The following TRUB1 variants were observed in gnomAD, a reference collection of about 807,000 sequenced individuals.
TRUB1 encodes the protein TruB pseudouridine synthase family member 1, also known as pseudouridylate synthase TRUB1.
Under a neutral mutation model 33.9 loss-of-function variants are expected in TRUB1, and 23 were observed. That is an observed-to-expected ratio of 0.68 (90% CI 0.49 to 0.96). The LOEUF is 0.96. TRUB1 is among the 40% of genes least tolerant of loss of function. The pLI, the probability that TRUB1 is intolerant of heterozygous loss-of-function variation, is 0.00. For missense variants in TRUB1, 378 were observed against 422.2 expected (o/e 0.90, Z 0.92); for synonymous variants, 163 against 165.4 (o/e 0.99, Z 0.11).
chr10:114,971,845 A>G (rs1025415317), intron 5 of TRUB1, among the ~76,000 whole-genome samples: 6 of 152,214 alleles, frequency 3.9e-5, no homozygotes, highest in African/African-American at 1.2e-4. Flanking sequence ...ACATGAATAC[A>G]TTGTCTCTAG....
chr10:114,938,481 G>T lies in TRUB1; in HGVS notation c.228G>T (p.Lys76Asn). The T allele has an allele frequency of 6.3e-7, 1 of 1,583,560 alleles. No individual in the cohort carries two copies. Among genetic ancestry groups the T allele is most frequent in the Non-Finnish European group, 8.6e-7 (1 of 1,167,644 alleles). Residue 76 changes from lysine to asparagine, a missense_variant, in exon 1 of 8, where the codon AAG becomes AAT. Lys to Asn is a moderately conservative substitution (Grantham distance 94). Coordinates refer to ENST00000298746, the MANE Select transcript of TRUB1 (RefSeq NM_139169.5). ...TGAGCGGCGTGTTCGCCGTGCACAA[G>T]CCCAAAGGGCCCACTTCAGCCGAGC... is the stretch of plus-strand genomic sequence containing the variant. Reference protein sequence around the residue: ...LSLSGVFAVHKPKGPTSAELL... With the variant: ...LSLSGVFAVHNPKGPTSAELL...
chr10:114,948,649 A>G (rs146140224), intron 2 of TRUB1, among the ~76,000 whole-genome samples: 1,568 of 152,302 alleles, frequency 0.01, 19 homozygotes, highest in Middle Eastern at 0.058. Flanking sequence ...TGCTTTCACT[A>G]ATCACCTCAC....
At chr10:114,946,396 C>T (rs911430322) in intron 2 of TRUB1, among the ~76,000 whole-genome samples, 6 of 152,042 alleles carry the variant, frequency 3.9e-5, no homozygotes, top group Admixed American at 6.6e-5. Flanking sequence ...GGCTTGAGTG[C>T]GGTGGCGTGA....
rs1022444304 is a variant in TRUB1, at chr10:114,971,110, C to T, written c.596+670C>T. On this transcript the variant is annotated intron_variant, in intron 5 of 7. Transcript: ENST00000298746. ...TTTTTCACAGATGGCACCTTCTTAC[C>T]GTATCCTCCTAGTAGAAGGGGCAAG... 2.6e-5 allele frequency among the ~76,000 whole-genome samples: 4 copies of T among 152,138 alleles called. No individual in the cohort carries two copies. In the East Asian group the frequency reaches 5.8e-4, roughly 22 times the overall value.
intron 2 of TRUB1, among the ~76,000 whole-genome samples, chr10:114,944,854 A>T (rs2084204884): frequency 1.3e-5 from 2 of 151,994 alleles, no homozygotes; most frequent in Non-Finnish European, 2.9e-5. Flanking sequence ...GTGTGGTGAC[A>T]CATACCTATA....
chr10:114,955,448 A>G (rs2084257870), intron 3 of TRUB1, among the ~76,000 whole-genome samples: 1 of 152,202 alleles, frequency 6.6e-6, no homozygotes, highest in South Asian at 2.1e-4. Context: ...AACCTGAATA[A>G]TCTAACTAGC....
chr10:114,972,261 AT>A lies in TRUB1; in HGVS notation c.728del (p.Phe243SerfsTer3). 6.2e-7 allele frequency: 1 copy of A among 1,605,284 alleles called. No individual in the cohort carries two copies. Among genetic ancestry groups the A allele is most frequent in the Non-Finnish European group, 8.5e-7 (1 of 1,178,046 alleles). On this transcript the variant is annotated frameshift_variant, in exon 6 of 8. Coordinates refer to ENST00000298746, the MANE Select transcript of TRUB1 (RefSeq NM_139169.5). LOFTEE classifies it high-confidence loss of function. ...TCTCCCTTCAAAAATTCCAGCCACC[AT>A]TTTTCACATTAGGTAAGATGGAGAA... Reference protein sequence around the residue: ...SISLQKFQPPFFTLDVECGGG... With the variant: ...SISLQKFQPPXFTLDVECGGG...
intron 1 of TRUB1, among the ~76,000 whole-genome samples, chr10:114,941,648 T>G (rs1484067177): frequency 2.0e-5 from 3 of 152,168 alleles, no homozygotes; most frequent in Admixed American, 2.0e-4. Flanking sequence ...CGGCTCACTT[T>G]ATGTTTACAA....
At chr10:114,960,553 T>C (rs1342534718) in intron 4 of TRUB1, among the ~76,000 whole-genome samples, 1 of 152,184 alleles carries the variant, frequency 6.6e-6, no homozygotes, top group African/African-American at 2.4e-5. Flanking sequence ...ATTATCCTTA[T>C]TACGTACTGC....
Position 114,977,171 on chromosome 10 carries a change from T to C in TRUB1, c.*1792T>C, listed in dbSNP as rs1378807798. ...TTCTTTTATGTTTAAAACTGAAGTT[T>C]TGCCAAATGGGAAAATTACTGTTAC... On this transcript the variant is annotated 3_prime_UTR_variant, in exon 8 of 8. Transcript: ENST00000298746. 1 of 152,146 alleles carries C rather than the reference T, an allele frequency of 6.6e-6. No individual in the cohort carries two copies. Among genetic ancestry groups the C allele is most frequent in the Non-Finnish European group, 1.5e-5 (1 of 68,014 alleles). 9.4% of individuals were successfully genotyped at this position (152,146 alleles called of 1,614,324 possible).
chr10:114,966,909 T>G (rs1001893169), intron 4 of TRUB1, among the ~76,000 whole-genome samples: 5 of 152,228 alleles, frequency 3.3e-5, no homozygotes, highest in Non-Finnish European at 7.3e-5. Context: ...TTAGCTCTGC[T>G]TCTAAAGCAT....
chr10:114,938,330 G>A lies in TRUB1; in HGVS notation c.77G>A (p.Gly26Glu). The stretch of plus-strand genomic sequence containing the variant: ...ACATCCCCTGTCCTTGAAACTGCAG[G>A]AACGGTCGCAGCAATGGCTGCGACC... ...TDTSPVLETA[G>E]TVAAMAATPS... The change falls in exon 1 of 8, where the codon GGA (glycine) becomes GAA (glutamate). Residue 26 changes from glycine to glutamate, a missense_variant. Coordinates refer to ENST00000298746, the MANE Select transcript of TRUB1 (RefSeq NM_139169.5). 6.2e-7 allele frequency: 1 copy of A among 1,613,690 alleles called. No homozygotes were observed. Among genetic ancestry groups the A allele is most frequent in the South Asian group, 1.1e-5 (1 of 91,036 alleles).
chr10:114,963,949 C>A (rs1338314214), intron 4 of TRUB1, among the ~76,000 whole-genome samples: 1 of 149,788 alleles, frequency 6.7e-6, no homozygotes, highest in Non-Finnish European at 1.5e-5. Flanking sequence ...GGGTATATAC[C>A]CAAGTGGAAT....
rs144455159 is a variant in TRUB1, at chr10:114,948,803, G to A, written c.386-2291G>A. ...AGTTCAGTATTTCAGCCATGTTAAA[G>A]TCAAACATGTCAGTCTGCTTCTAAG... On this transcript the variant is annotated intron_variant, in intron 2 of 7. Transcript: ENST00000298746. Among the ~76,000 whole-genome samples the A allele has an allele frequency of 3.7e-3, 566 of 152,318 alleles. 1 individual carries two copies. Among genetic ancestry groups the A allele is most frequent in the African/African-American group, 0.012 (515 of 41,576 alleles).
rs569943539 is a variant in TRUB1 at position 114,939,481 on chromosome 10, A to G, written c.286+942A>G. Among the ~76,000 whole-genome samples the G allele has an allele frequency of 2.3e-4, 24 of 102,328 alleles. No homozygotes were observed. In the South Asian group the frequency reaches 5.9e-3, roughly 25 times the overall value. 67.1% of individuals were successfully genotyped at this position (102,328 alleles called of 152,430 possible). ...TGGCCGTATTCTGTCTCGCCATTAAACCAGTAACAGGGACTTTCTTACATT... is the reference window on the plus strand; with the variant it reads ...TGGCCGTATTCTGTCTCGCCATTAAGCCAGTAACAGGGACTTTCTTACATT... On this transcript the variant is annotated intron_variant, in intron 1 of 7. Transcript: ENST00000298746.
chr10:114,972,120 C>G lies in TRUB1; in HGVS notation c.597-15C>G, dbSNP rs773543088. ...CTCTCCTTTCCTTCCATTTCTCCTT[C>G]TCTCATCTCACAAGCTATTCTGCAT... is the stretch of plus-strand genomic sequence containing the variant. On this transcript the variant is annotated splice_polypyrimidine_tract_variant and intron_variant, in intron 5 of 7. Coordinates refer to ENST00000298746, the MANE Select transcript of TRUB1 (RefSeq NM_139169.5). 2.5e-6 allele frequency: 4 copies of G among 1,611,656 alleles called. No homozygotes were observed. In the African/African-American group the frequency reaches 4.0e-5, roughly 16 times the overall value.
chr10:114,962,301 A>C (rs942226703), intron 4 of TRUB1, among the ~76,000 whole-genome samples: 2 of 152,166 alleles, frequency 1.3e-5, no homozygotes, highest in African/African-American at 4.8e-5. Context: ...ACTCAAACAT[A>C]CAGCATAATT....
intron 4 of TRUB1, among the ~76,000 whole-genome samples, chr10:114,965,833 G>T (rs116307590): frequency 1.8e-3 from 269 of 151,970 alleles, no homozygotes; most frequent in African/African-American, 6.3e-3. Context: ...AAAAATATTG[G>T]TATAAAGCTG....
intron 6 of TRUB1, among the ~76,000 whole-genome samples, chr10:114,973,963 T>G (rs1325173957): frequency 6.6e-6 from 1 of 152,158 alleles, no homozygotes; most frequent in Non-Finnish European, 1.5e-5. Flanking sequence ...TACAACCTAT[T>G]AAATGAACAA....
Sources: allele counts gnomAD v4.1 joint callset (sites outside exome capture counted in the v4.1 genomes callset), GRCh38; gene constraint gnomAD v4.1.1; transcripts MANE v1.5; gene names NCBI Gene and HGNC (gene_info 2026-07-23, HGNC 2026-07-21).